RIOK1: variants seen among roughly 807,000 people sequenced by gnomAD.
RIOK1 encodes the protein serine/threonine-protein kinase RIO1.
In RIOK1, 66 loss-of-function variants were observed where a neutral mutation model predicts 73.5. The ratio of observed to expected loss-of-function variants is 0.90; its 90% confidence interval spans 0.74 to 1.10. The LOEUF (loss-of-function observed/expected upper bound fraction) is 1.10, where lower values mean the gene tolerates loss of function less well. Among genes scored for constraint, RIOK1 ranks in the 50% least tolerant of loss-of-function variants. The probability of loss-of-function intolerance (pLI) is 0.00; values close to 1 mark genes in which losing one functional copy is unlikely to be tolerated. For synonymous variants in RIOK1, 224 were observed against 226.8 expected (o/e 0.99, Z 0.11); for missense variants, 658 against 699.8 (o/e 0.94, Z 0.67).
chr6:7,413,901 T>A (rs1761941417), intron 15 of RIOK1, among the ~76,000 whole-genome samples: 1 of 152,176 alleles, frequency 6.6e-6, no homozygotes, highest in Non-Finnish European at 1.5e-5. Context: ...TAAATCTTCA[T>A]TTTCTACCTC....
intron 12 of RIOK1, among the ~76,000 whole-genome samples, chr6:7,408,068 G>A (rs539618581): frequency 6.6e-6 from 1 of 152,096 alleles, no homozygotes; most frequent in Non-Finnish European, 1.5e-5. Context: ...ATGGAGTCTC[G>A]TTCTGTTGCC....
In RIOK1 at chr6:7,410,453, T is replaced by C. The variant is rs1761858724; in HGVS notation, c.1269+2T>C. 6.2e-7 allele frequency: 1 copy of C among 1,602,202 alleles called. No individual in the cohort carries two copies. The highest frequency in any genetic ancestry group is 8.5e-7 in the Non-Finnish European group (1 of 1,169,832). Reference sequence around the variant, plus strand: ...AGCCAAGATCATGTGGATGAAGAGGTAGGATTTATTATCTATTCACAGCCT... The same window carrying C: ...AGCCAAGATCATGTGGATGAAGAGGCAGGATTTATTATCTATTCACAGCCT... On this transcript the variant is annotated splice_donor_variant, in intron 13 of 16. Transcript: ENST00000379834. LOFTEE classifies it high-confidence loss of function.
Position 7,393,198 on chromosome 6 carries a change from TGAG to T in RIOK1, c.182_184del (p.Glu61del), listed in dbSNP as rs759262612. On this transcript the variant is annotated inframe_deletion, in exon 2 of 17. Coordinates refer to ENST00000379834, the MANE Select transcript of RIOK1 (RefSeq NM_031480.3). ...AGAATGGTGAAGGTGAAATAGAAGA[TGAG>T]GAGGAGGAGGGTTATGACGATGATG... 12 of 1,610,834 alleles carry T rather than the reference TGAG, an allele frequency of 7.4e-6. No homozygotes were observed. Among genetic ancestry groups the T allele is most frequent in the South Asian group, 6.6e-5 (6 of 91,008 alleles).
chr6:7,409,847 A>G (rs1037044888), intron 12 of RIOK1, among the ~76,000 whole-genome samples: 1 of 149,782 alleles, frequency 6.7e-6, no homozygotes, highest in African/African-American at 2.4e-5. Flanking sequence ...CCTTTCTTCT[A>G]TATAGAGAAG....
intron 3 of RIOK1, among the ~76,000 whole-genome samples, chr6:7,396,248 A>G (rs1191297559): frequency 6.6e-6 from 1 of 152,202 alleles, no homozygotes; most frequent in East Asian, 1.9e-4. Context: ...CTCTAAACCT[A>G]ACACAGTGTT....
chr6:7,392,913 G>A (rs1240625694), intron 1 of RIOK1, 186 bp from the exon 2 acceptor site: 1 of 984,814 alleles, frequency 1.0e-6, no homozygotes, highest in African/African-American at 1.7e-5. Flanking sequence ...GCAAACAACT[G>A]CAACAGAACT....
intron 3 of RIOK1, among the ~76,000 whole-genome samples, chr6:7,395,482 C>T (rs1158549580): frequency 1.5e-5 from 2 of 133,070 alleles, no homozygotes; most frequent in South Asian, 4.8e-4. Flanking sequence ...CGTTGCACTC[C>T]AACCTGGACA....
intron 14 of RIOK1, 116 bp downstream of exon 14, chr6:7,411,567 T>TG (rs1157953196): frequency 7.5e-6 from 8 of 1,064,084 alleles, no homozygotes; most frequent in Non-Finnish European, 1.1e-5. Context: ...TCTGAGCTAG[T>TG]GAAATGACTA....
intron 12 of RIOK1, among the ~76,000 whole-genome samples, chr6:7,409,911 G>T (rs570273480): frequency 6.6e-6 from 1 of 151,504 alleles, no homozygotes; most frequent in East Asian, 1.9e-4. Flanking sequence ...TGTCACCCTC[G>T]TTTCAGTCAT....
intron 14 of RIOK1, 29 bp from the exon 15 acceptor site, chr6:7,412,860 T>C (rs553163938): frequency 8.6e-6 from 11 of 1,276,376 alleles, no homozygotes; most frequent in Non-Finnish European, 1.2e-5. Flanking sequence ...TGTTGATCCT[T>C]ATTTTTTTTT....
chr6:7,395,142 A>C lies in RIOK1; in HGVS notation c.366A>C (p.Leu122Phe). The C allele has an allele frequency of 6.2e-7, 1 of 1,609,714 alleles. No homozygotes were observed. The highest frequency in any genetic ancestry group is 2.2e-5 in the East Asian group (1 of 44,568). The change falls in exon 3 of 17, where the codon TTA becomes TTC. Residue 122 changes from leucine (L) to phenylalanine (F), a missense_variant and splice_region_variant. Coordinates refer to ENST00000379834, the MANE Select transcript of RIOK1 (RefSeq NM_031480.3). ...VLRKFENKIN[L>F]DKLNVTDSVI... is the part of the protein sequence containing the mutation. ...GGAAATTTGAGAATAAAATTAATTTAGGTGAGTTTACAAAATACATCACTG... is the reference window on the plus strand; with the variant it reads ...GGAAATTTGAGAATAAAATTAATTTCGGTGAGTTTACAAAATACATCACTG...
chr6:7,412,869 T>C lies in RIOK1; in HGVS notation c.1390-20T>C. The C allele has an allele frequency of 7.1e-7, 1 of 1,408,374 alleles. No individual in the cohort carries two copies. The highest frequency in any genetic ancestry group is 9.7e-7 in the Non-Finnish European group (1 of 1,033,232). The allele number at this position is 1,408,374 out of a possible 1,614,324, so 87.2% of individuals were successfully genotyped here. A position where few individuals can be genotyped will look rare whatever the true frequency, so the allele number is the denominator to read the frequency against. The stretch of plus-strand genomic sequence containing the variant: ...GTTTTATGTTGATCCTTATTTTTTT[T>C]TTTTCATTTTGGTTATAAGATTCTA... On this transcript the variant is annotated intron_variant, in intron 14 of 16. Transcript: ENST00000379834.
rs531433206 is a variant in RIOK1, at chr6:7,415,904, T to G, written c.1597-1427T>G. On this transcript the variant is annotated intron_variant, in intron 16 of 16. Transcript: ENST00000379834. The stretch of plus-strand genomic sequence containing the variant: ...ATATTGTTACCATTCTGTTATTAGT[T>G]ATTATCTCTTACTGTGCCTAATTTA... 2.0e-5 allele frequency among the ~76,000 whole-genome samples: 3 copies of G among 152,248 alleles called. 1 individual carries two copies. In the South Asian group the frequency reaches 6.2e-4, roughly 32 times the overall value.
rs112050547 is a variant in RIOK1, at chr6:7,414,010, C to T, written c.1444-228C>T. Among the ~76,000 whole-genome samples, 135 of 152,294 alleles carry T rather than the reference C, an allele frequency of 8.9e-4. 1 individual carries two copies. The highest frequency in any genetic ancestry group is 3.1e-3 in the African/African-American group (127 of 41,562). On this transcript the variant is annotated intron_variant, in intron 15 of 16. Transcript: ENST00000379834. Reference sequence around the variant, plus strand: ...TGTTGATCTAGGTCACGCAGTAAAGCCCTGGTTCCTTCATTTGAGTATGTT... The same window carrying T: ...TGTTGATCTAGGTCACGCAGTAAAGTCCTGGTTCCTTCATTTGAGTATGTT...
Position 7,390,016 on chromosome 6 carries a change from G to A in RIOK1, c.14G>A (p.Arg5Gln), listed in dbSNP as rs373706985. 9.1e-5 allele frequency: 141 copies of A among 1,553,948 alleles called. No individual in the cohort carries two copies. The highest frequency in any genetic ancestry group is 1.2e-4 in the Non-Finnish European group (134 of 1,148,848). The change falls in exon 1 of 17, where the codon CGG becomes CAG. Residue 5 changes from arginine to glutamine, a missense_variant. Coordinates refer to ENST00000379834, the MANE Select transcript of RIOK1 (RefSeq NM_031480.3). ...CGCTCTCCAGTCATGGACTACCGGCGGCTTCTCATGAGCCGGGTGGTCCCC... is the reference window on the plus strand; with the variant it reads ...CGCTCTCCAGTCATGGACTACCGGCAGCTTCTCATGAGCCGGGTGGTCCCC... MDYR[R>Q]LLMSRVVPGQ... is the part of the protein sequence containing the mutation.
In RIOK1 at chr6:7,398,818, C is replaced by T. The variant is rs1761542810; in HGVS notation, c.480+78C>T. On this transcript the variant is annotated intron_variant, in intron 5 of 16. Transcript: ENST00000379834. ...CTTTGAATTGTAGTTTGCTTTTATCCTTTTTGCTTAATGCTAATGTTACCT... is the reference window on the plus strand; with the variant it reads ...CTTTGAATTGTAGTTTGCTTTTATCTTTTTTGCTTAATGCTAATGTTACCT... 5.6e-6 allele frequency: 7 copies of T among 1,251,594 alleles called. No homozygotes were observed. The South Asian group carries it at 7.8e-5, about 14-fold the overall frequency. 77.5% of individuals were successfully genotyped at this position (1,251,594 alleles called of 1,614,324 possible).
chr6:7,413,805 T>C (rs911071832), intron 15 of RIOK1, among the ~76,000 whole-genome samples: 6 of 152,252 alleles, frequency 3.9e-5, no homozygotes, highest in African/African-American at 1.2e-4. Flanking sequence ...AAATTTCTCT[T>C]CTTCACATAT....
At position 7,414,384 on chromosome 6, in the gene RIOK1, T is replaced by TA; in HGVS notation, c.1596dup (p.Glu533ArgfsTer20). 6.3e-7 allele frequency: 1 copy of TA among 1,599,202 alleles called. No homozygotes were observed. Among genetic ancestry groups the TA allele is most frequent in the African/African-American group, 1.4e-5 (1 of 73,992 alleles). On this transcript the variant is annotated frameshift_variant, in exon 16 of 17. Transcript: ENST00000379834. LOFTEE classifies it high-confidence loss of function. Reference sequence around the variant, plus strand: ...AACACACCACGGACCCTGACATTGATAAAAAAGTAAGCAATGAAATACCTT... The same window carrying TA: ...AACACACCACGGACCCTGACATTGATAAAAAAAGTAAGCAATGAAATACCTT...
intron 13 of RIOK1, 36 bp downstream of exon 13, chr6:7,410,487 A>C: frequency 6.8e-7 from 1 of 1,461,954 alleles, no homozygotes; most frequent in Non-Finnish European, 9.4e-7. Context: ...CTTTGGAAAC[A>C]CTTGTGTTTT....
Sources: allele counts gnomAD v4.1 joint callset (sites outside exome capture counted in the v4.1 genomes callset), GRCh38; gene constraint gnomAD v4.1.1; transcripts MANE v1.5; gene names NCBI Gene and HGNC (gene_info 2026-07-23, HGNC 2026-07-21).